The following CREBBP variants were observed in gnomAD, a reference collection of about 807,000 sequenced individuals.
The protein encoded by CREBBP is CREB-binding protein.
Under a neutral mutation model 265.0 loss-of-function variants are expected in CREBBP, and 19 were observed. The ratio of observed to expected loss-of-function variants is 0.07; its 90% CI spans 0.05 to 0.11. The LOEUF (loss-of-function observed/expected upper bound fraction) is 0.11. Ranked by LOEUF, CREBBP falls within the 10% of genes least tolerant of loss-of-function variation. CREBBP has a pLI of 1.00. For synonymous variants in CREBBP, 1,457 were observed against 1,223.7 expected (o/e 1.19, Z -3.98); for missense variants, 2,525 against 3,219.0 (o/e 0.78, Z 5.22).
At chr16:3,776,302 C>A (rs2053137102) in intron 11 of CREBBP, among the ~76,000 whole-genome samples, 1 of 152,148 alleles carries the variant, frequency 6.6e-6, no homozygotes, top group African/African-American at 2.4e-5. Context: ...CACCTTGTTT[C>A]ACAACCTGGA....
intron 2 of CREBBP, among the ~76,000 whole-genome samples, chr16:3,844,775 T>C (rs2054631917): frequency 6.6e-6 from 1 of 152,178 alleles, no homozygotes. Flanking sequence ...CAGAGTAGCG[T>C]ATACATAACA....
intron 23 of CREBBP, chr16:3,741,793 A>C (rs907582167): frequency 2.0e-5 from 3 of 149,044 alleles, no homozygotes; most frequent in Admixed American, 6.7e-5. Context: ...ATGCAAAATT[A>C]AGTCGGGAGC....
chr16:3,838,266 T>C (rs1363334196), intron 2 of CREBBP, among the ~76,000 whole-genome samples: 1 of 152,206 alleles, frequency 6.6e-6, no homozygotes. Context: ...TACAGTAACA[T>C]GATGTACAGA....
chr16:3,875,951 G>A (rs746002459), intron 1 of CREBBP, among the ~76,000 whole-genome samples: 7 of 152,080 alleles, frequency 4.6e-5, no homozygotes, highest in Admixed American at 2.6e-4. Context: ...AAGGATTCAC[G>A]TCATAAAATG....
chr16:3,803,528 C>A (rs995336093), intron 3 of CREBBP, among the ~76,000 whole-genome samples: 4 of 151,822 alleles, frequency 2.6e-5, no homozygotes, highest in African/African-American at 7.3e-5. Flanking sequence ...ACAAAAAAAA[C>A]AAAACATCTA....
chr16:3,744,867 G>A (rs1160042450), intron 23 of CREBBP, 27 bp downstream of exon 23: 2 of 1,578,496 alleles, frequency 1.3e-6, no homozygotes, highest in Non-Finnish European at 1.7e-6. Flanking sequence ...GTGCAGTCCA[G>A]GAAACAGAAA....
chr16:3,774,075 AC>A, intron 12 of CREBBP, 145 bp from the exon 13 acceptor site: 1 of 904,998 alleles, frequency 1.1e-6, no homozygotes, highest in Non-Finnish European at 1.8e-6. Flanking sequence ...ATGGGAAGAG[AC>A]CACCACTTGC....
intron 16 of CREBBP, among the ~76,000 whole-genome samples, chr16:3,763,377 T>C (rs1596868089): frequency 6.6e-6 from 1 of 151,718 alleles, no homozygotes; most frequent in Non-Finnish European, 1.5e-5. Flanking sequence ...CCCAGGCTGG[T>C]CTTGAACTCT....
chr16:3,767,441 A>G (rs1349119753), intron 16 of CREBBP: 4 of 552,378 alleles, frequency 7.2e-6, no homozygotes, highest in Non-Finnish European at 9.7e-6. Flanking sequence ...ACACATTTCA[A>G]CTCGGCCCCT....
intron 28 of CREBBP, among the ~76,000 whole-genome samples, chr16:3,732,568 A>AT (rs1452660962): frequency 1.3e-5 from 2 of 151,818 alleles, no homozygotes; most frequent in Admixed American, 6.6e-5. Context: ...AGAGAGCTTT[A>AT]TTTTTTTTGA....
chr16:3,826,251 G>A (rs960138436), intron 2 of CREBBP, among the ~76,000 whole-genome samples: 1 of 152,222 alleles, frequency 6.6e-6, no homozygotes. Flanking sequence ...TCATGTAAAA[G>A]ACACTTTCAT....
At chr16:3,863,816 A>G (rs551469929) in intron 1 of CREBBP, among the ~76,000 whole-genome samples, 1 of 152,260 alleles carries the variant, frequency 6.6e-6, no homozygotes, top group South Asian at 2.1e-4. Flanking sequence ...GGTGGGGACA[A>G]GGGTGGAATG....
At position 3,879,974 on chromosome 16, in the gene CREBBP, GAC is replaced by G; in HGVS notation, c.-60_-59del. On this transcript the variant is annotated 5_prime_UTR_variant, in exon 1 of 31. Transcript: ENST00000262367. ...GGGCGGCCGGGCCGGCGAGGGCCCG[GAC>G]GGGGGTCGGGGGCCCTGCCGGCTGC... 6.5e-7 allele frequency: 1 copy of G among 1,531,778 alleles called. No homozygotes were observed. Among genetic ancestry groups the G allele is most frequent in the Non-Finnish European group, 8.9e-7 (1 of 1,126,512 alleles). The allele number at this position is 1,531,778 out of a possible 1,614,324, so 94.9% of individuals were successfully genotyped here. A position where few individuals can be genotyped will look rare whatever the true frequency, so the allele number is the denominator to read the frequency against.
intron 2 of CREBBP, among the ~76,000 whole-genome samples, chr16:3,823,100 G>A (rs1159333102): frequency 6.6e-6 from 1 of 152,174 alleles, no homozygotes; most frequent in Non-Finnish European, 1.5e-5. Context: ...CAGCAAGGAG[G>A]ACAGAACACC....
At chr16:3,737,969 G>C (rs550168453) in intron 26 of CREBBP, among the ~76,000 whole-genome samples, 1 of 151,812 alleles carries the variant, frequency 6.6e-6, no homozygotes, top group South Asian at 2.1e-4. Flanking sequence ...TGTATTTTTA[G>C]TAGAGACAGG....
intron 4 of CREBBP, 66 bp from the exon 5 acceptor site, chr16:3,792,160 A>G: frequency 8.1e-7 from 1 of 1,235,554 alleles, no homozygotes; most frequent in Non-Finnish European, 1.2e-6. Flanking sequence ...AATTATACCT[A>G]AATTATAATG....
At chr16:3,771,021 TC>T in intron 13 of CREBBP, 35 bp from the exon 14 acceptor site, 1 of 1,609,292 alleles carries the variant, frequency 6.2e-7, no homozygotes, top group Non-Finnish European at 8.5e-7. Context: ...TAAAATTATT[TC>T]CCCCGTTTGA....
intron 1 of CREBBP, among the ~76,000 whole-genome samples, chr16:3,855,512 G>A (rs1443122985): frequency 2.6e-5 from 4 of 152,134 alleles, no homozygotes; most frequent in Admixed American, 2.0e-4. Flanking sequence ...TGATCCGCCC[G>A]CCTAAGCCTC....
intron 13 of CREBBP, among the ~76,000 whole-genome samples, chr16:3,771,980 A>C (rs1365333142): frequency 6.6e-6 from 1 of 151,720 alleles, no homozygotes; most frequent in Non-Finnish European, 1.5e-5. Context: ...CTAGCTAATT[A>C]ATTTAAAATT....
Sources: gnomAD v4.1 joint callset for allele counts (sites outside exome capture counted in the v4.1 genomes callset) on GRCh38, gnomAD v4.1.1 for gene constraint, MANE v1.5 for transcripts, NCBI Gene and HGNC (gene_info 2026-07-23, HGNC 2026-07-21) for gene names.